The following WDFY2 variants were observed in gnomAD, a reference collection of about 807,000 sequenced individuals.
The protein encoded by WDFY2 is WD repeat and FYVE domain containing 2.
WDFY2 carries 36 observed loss-of-function variants against 56.4 expected under a neutral mutation model. That is an observed-to-expected ratio of 0.64 (90% CI 0.49 to 0.84). The LOEUF (loss-of-function observed/expected upper bound fraction) is 0.84, where lower values mean the gene tolerates loss of function less well. Ranked by LOEUF, WDFY2 falls within the 40% of genes least tolerant of loss-of-function variation. WDFY2 has a pLI of 0.00. For missense variants in WDFY2, 444 were observed against 512.2 expected (o/e 0.87, Z 1.29); for synonymous variants, 176 against 183.7 (o/e 0.96, Z 0.34).
At chr13:51,614,727 C>T (rs1237079133) in intron 1 of WDFY2, among the ~76,000 whole-genome samples, 1 of 152,150 alleles carries the variant, frequency 6.6e-6, no homozygotes, top group Non-Finnish European at 1.5e-5. Flanking sequence ...ACATTGCCAC[C>T]CGTAGCTGGA....
chr13:51,620,767 C>T (rs1238888834), intron 1 of WDFY2, among the ~76,000 whole-genome samples: 1 of 152,190 alleles, frequency 6.6e-6, no homozygotes. Flanking sequence ...GTGAGGCAGT[C>T]TTTCCCCAGA....
At chr13:51,622,383 C>T (rs1954748462) in intron 1 of WDFY2, among the ~76,000 whole-genome samples, 1 of 151,828 alleles carries the variant, frequency 6.6e-6, no homozygotes, top group African/African-American at 2.4e-5. Context: ...TTTATAAGCC[C>T]ACATACATTT....
chr13:51,736,743 G>A (rs895909936), intron 6 of WDFY2, among the ~76,000 whole-genome samples: 13 of 152,162 alleles, frequency 8.5e-5, no homozygotes, highest in African/African-American at 3.1e-4. Context: ...AGCCCGCCTT[G>A]GCCTCCCAAA....
chr13:51,619,389 C>T (rs774363550), intron 1 of WDFY2, among the ~76,000 whole-genome samples: 6 of 150,834 alleles, frequency 4.0e-5, no homozygotes, highest in Non-Finnish European at 5.9e-5. Context: ...GCTGTGATCA[C>T]ACCACTATAC....
intron 8 of WDFY2, among the ~76,000 whole-genome samples, chr13:51,752,003 A>G (rs1174667421): frequency 6.6e-6 from 1 of 152,198 alleles, no homozygotes; most frequent in African/African-American, 2.4e-5. Context: ...TCTTTTGACA[A>G]GTACTTTGAA....
chr13:51,754,988 T>C (rs1000177014), intron 8 of WDFY2, among the ~76,000 whole-genome samples: 1 of 152,204 alleles, frequency 6.6e-6, no homozygotes, highest in Non-Finnish European at 1.5e-5. Flanking sequence ...CCATCTGTGC[T>C]CCAGCCATCC....
At position 51,763,802 on chromosome 13, in the gene WDFY2, A is replaced by C. The variant is rs1211041019; in HGVS notation, c.*4033A>C. 6.6e-6 allele frequency: 1 copy of C among 152,028 alleles called. No individual in the cohort carries two copies. The highest frequency in any genetic ancestry group is 2.4e-5 in the African/African-American group (1 of 41,458). The allele number at this position is 152,028 out of a possible 1,614,324, so 9.4% of individuals were successfully genotyped here. On this transcript the variant is annotated 3_prime_UTR_variant, in exon 12 of 12. Transcript: ENST00000298125. ...AGCAGAGCAAGGCCCTGAATAAATA[A>C]ACAAAAGTATAATTTATTTTTGCCT... is the stretch of plus-strand genomic sequence containing the variant.
At chr13:51,623,697 G>T (rs1265762156) in intron 1 of WDFY2, among the ~76,000 whole-genome samples, 1 of 152,172 alleles carries the variant, frequency 6.6e-6, no homozygotes, top group African/African-American at 2.4e-5. Context: ...CCACGTGTCA[G>T]AATGCACATC....
At chr13:51,660,967 T>G (rs1482252475) in intron 2 of WDFY2, among the ~76,000 whole-genome samples, 4 of 152,232 alleles carry the variant, frequency 2.6e-5, no homozygotes, top group Non-Finnish European at 4.4e-5. Context: ...TTTTGTAAAG[T>G]ATGTCCTTAG....
intron 3 of WDFY2, among the ~76,000 whole-genome samples, chr13:51,679,864 C>T (rs1299818918): frequency 6.6e-6 from 1 of 152,114 alleles, no homozygotes; most frequent in Non-Finnish European, 1.5e-5. Context: ...CTCTCCAGTT[C>T]TTGCCTGCAT....
At chr13:51,634,764 T>A (rs1471097684) in intron 1 of WDFY2, among the ~76,000 whole-genome samples, 10 of 151,968 alleles carry the variant, frequency 6.6e-5, no homozygotes, top group Admixed American at 6.6e-4. Flanking sequence ...AGAACTATAG[T>A]AGAGCAAGGA....
intron 1 of WDFY2, among the ~76,000 whole-genome samples, chr13:51,612,556 A>G (rs1395617856): frequency 6.6e-6 from 1 of 152,254 alleles, no homozygotes; most frequent in East Asian, 1.9e-4. Context: ...CTATGCTTGT[A>G]GATACATATG....
chr13:51,647,180 C>T (rs906143631), intron 1 of WDFY2, among the ~76,000 whole-genome samples: 6 of 151,988 alleles, frequency 3.9e-5, no homozygotes, highest in African/African-American at 1.5e-4. Flanking sequence ...GGAACCAGTC[C>T]CCATGGATAC....
intron 1 of WDFY2, among the ~76,000 whole-genome samples, chr13:51,619,649 GA>G (rs1420828991): frequency 6.6e-6 from 1 of 152,126 alleles, no homozygotes; most frequent in Non-Finnish European, 1.5e-5. Context: ...CCTGTTAAAA[GA>G]AAAACTTTAG....
At chr13:51,622,852 AC>A in intron 1 of WDFY2, among the ~76,000 whole-genome samples, 1 of 139,678 alleles carries the variant, frequency 7.2e-6, no homozygotes, top group African/African-American at 2.6e-5. Context: ...TTAACTTTAC[AC>A]TTTTTTTTTT....
At chr13:51,695,643 C>T (rs1344796833) in intron 3 of WDFY2, among the ~76,000 whole-genome samples, 2 of 152,234 alleles carry the variant, frequency 1.3e-5, no homozygotes, top group Non-Finnish European at 2.9e-5. Flanking sequence ...GTCAGGGACC[C>T]ACCTGAGGAG....
intron 1 of WDFY2, among the ~76,000 whole-genome samples, chr13:51,656,053 CTTTT>C (rs545474478): frequency 1.5e-5 from 2 of 133,544 alleles, no homozygotes; most frequent in African/African-American, 2.7e-5. Flanking sequence ...CTATCTTTCC[CTTTT>C]TTTTTTTTTT....
At chr13:51,656,053 CT>C (rs545474478) in intron 1 of WDFY2, among the ~76,000 whole-genome samples, 4,686 of 133,440 alleles carry the variant, frequency 0.035, 84 homozygotes, top group African/African-American at 0.057. Flanking sequence ...CTATCTTTCC[CT>C]TTTTTTTTTT....
chr13:51,744,319 T>C (rs1480748907), intron 7 of WDFY2, among the ~76,000 whole-genome samples: 2 of 152,242 alleles, frequency 1.3e-5, no homozygotes, highest in East Asian at 3.8e-4. Flanking sequence ...AAGGCTTAAG[T>C]TGACCGTTGG....
Sources: allele counts gnomAD v4.1 joint callset (sites outside exome capture counted in the v4.1 genomes callset), GRCh38; gene constraint gnomAD v4.1.1; transcripts MANE v1.5; gene names NCBI Gene and HGNC (gene_info 2026-07-23, HGNC 2026-07-21).